SBF2: variants seen among roughly 807,000 people sequenced by gnomAD.
The protein encoded by SBF2 is myotubularin-related protein 13.
A neutral mutation model predicts 225.2 loss-of-function variants in SBF2; 112 were observed. The ratio of observed to expected loss-of-function variants is 0.50; its 90% CI spans 0.43 to 0.58. SBF2 has a LOEUF of 0.58. SBF2 is among the 20% of genes least tolerant of loss of function. The pLI is 0.00. For missense variants in SBF2, 1,996 were observed against 2,206.2 expected (o/e 0.90, Z 1.91); for synonymous variants, 763 against 773.3 (o/e 0.99, Z 0.22).
At chr11:9,924,189 A>G (rs575641098) in intron 16 of SBF2, among the ~76,000 whole-genome samples, 200 of 152,312 alleles carry the variant, frequency 1.3e-3, no homozygotes, top group Non-Finnish European at 2.4e-3. Flanking sequence ...AGATGATGTG[A>G]AAGTGATATG....
intron 2 of SBF2, among the ~76,000 whole-genome samples, chr11:10,190,992 A>G (rs139735968): frequency 3.7e-4 from 57 of 152,294 alleles, no homozygotes; most frequent in African/African-American, 1.3e-3. Flanking sequence ...AGATCTCAGT[A>G]AAGTTATTTA....
At chr11:10,148,062 TA>T (rs2135160817) in intron 2 of SBF2, among the ~76,000 whole-genome samples, 1 of 152,352 alleles carries the variant, frequency 6.6e-6, no homozygotes, top group Non-Finnish European at 1.5e-5. Flanking sequence ...TGTTATTTTC[TA>T]AAAGTTATCA....
At chr11:10,172,873 G>A (rs546084775) in intron 2 of SBF2, among the ~76,000 whole-genome samples, 2 of 152,160 alleles carry the variant, frequency 1.3e-5, no homozygotes, top group South Asian at 2.1e-4. Flanking sequence ...TTGCCATGCT[G>A]GCCAGGCTGG....
At chr11:10,061,874 T>C (rs924690695) in intron 2 of SBF2, among the ~76,000 whole-genome samples, 1 of 152,144 alleles carries the variant, frequency 6.6e-6, no homozygotes, top group African/African-American at 2.4e-5. Context: ...AAAAAGAGTC[T>C]GTATAGCCAA....
rs1410051966 is a variant in SBF2, at chr11:10,303,997, C to G, written n.386+495G>C. Among the ~76,000 whole-genome samples the G allele has an allele frequency of 6.6e-6, 1 of 152,208 alleles. No homozygotes were observed. The highest frequency in any genetic ancestry group is 1.5e-5 in the Non-Finnish European group (1 of 68,038). ...CAGCCTAGAGGAATCCACGCCGCGCCCCAGTCGGCCGTGCTAGCGTGTCGG... is the reference window on the plus strand; with the variant it reads ...CAGCCTAGAGGAATCCACGCCGCGCGCCAGTCGGCCGTGCTAGCGTGTCGG... On this transcript the variant is annotated intron_variant and non_coding_transcript_variant, in intron 1 of 5. Coordinates refer to the SBF2 transcript ENST00000685217. This position sits in a 1 kb window ranked among gnomAD's most constrained non-coding sequence, Gnocchi z 5.2.
chr11:10,137,385 A>G (rs1379289125), intron 2 of SBF2, among the ~76,000 whole-genome samples: 1 of 152,078 alleles, frequency 6.6e-6, no homozygotes, highest in Admixed American at 6.6e-5. Context: ...CATGTCCTTT[A>G]TTTCCTTGTT....
intron 2 of SBF2, among the ~76,000 whole-genome samples, chr11:10,063,397 G>A (rs779195958): frequency 3.4e-5 from 5 of 146,382 alleles, no homozygotes; most frequent in African/African-American, 1.0e-4. Flanking sequence ...TTGCTCTGTC[G>A]CCCAGGCTGG....
At chr11:9,959,195 G>A (rs1156981154) in intron 16 of SBF2, 2 of 790,984 alleles carry the variant, frequency 2.5e-6, no homozygotes, top group Non-Finnish European at 4.6e-6. Context: ...GGTCCGATTT[G>A]GAATTTCCAC....
chr11:9,929,077 G>A, intron 16 of SBF2: 2 of 380,362 alleles, frequency 5.3e-6, no homozygotes, highest in Admixed American at 3.1e-5. Context: ...GATGAGGAGT[G>A]TAGTGACCAG....
At chr11:10,232,899 T>C (rs1401731134) in intron 1 of SBF2, among the ~76,000 whole-genome samples, 1 of 152,230 alleles carries the variant, frequency 6.6e-6, no homozygotes, top group Non-Finnish European at 1.5e-5. Flanking sequence ...ACTTTGTACT[T>C]AGAATTAGAA....
chr11:10,280,838 G>C (rs973327881), intron 1 of SBF2, among the ~76,000 whole-genome samples: 2 of 152,054 alleles, frequency 1.3e-5, no homozygotes, highest in African/African-American at 4.8e-5. Context: ...CTGGGGATTG[G>C]GGGTGGGGGA....
chr11:9,812,801 T>C, intron 29 of SBF2, 93 bp from the exon 30 acceptor site: 9 of 1,324,874 alleles, frequency 6.8e-6, no homozygotes, highest in Admixed American at 1.8e-5. Context: ...ACAAAGTTAT[T>C]TGGGGCCAAA....
chr11:10,077,723 C>A (rs534022479), intron 2 of SBF2, among the ~76,000 whole-genome samples: 3 of 152,194 alleles, frequency 2.0e-5, no homozygotes, highest in South Asian at 4.1e-4. Flanking sequence ...AGCACATAGG[C>A]ATGGGCAAAG....
intron 2 of SBF2, among the ~76,000 whole-genome samples, chr11:10,181,738 A>G (rs2135288354): frequency 6.6e-6 from 1 of 152,260 alleles, no homozygotes; most frequent in East Asian, 1.9e-4. Context: ...TCTCCCAATT[A>G]AGAGATATGA....
At chr11:9,973,546 G>T (rs1487654404) in intron 13 of SBF2, among the ~76,000 whole-genome samples, 1 of 152,154 alleles carries the variant, frequency 6.6e-6, no homozygotes, top group East Asian at 1.9e-4. Context: ...TGATTTTCAA[G>T]GAATGGTCTC....
intron 16 of SBF2, among the ~76,000 whole-genome samples, chr11:9,935,690 A>G (rs534198379): frequency 6.6e-6 from 1 of 152,366 alleles, no homozygotes; most frequent in East Asian, 1.9e-4. Context: ...AAACCTGACA[A>G]AAACAACAGA....
Position 10,031,026 on chromosome 11 carries a change from ATGATAACTATG to A in SBF2, c.402+11_402+21del, listed in dbSNP as rs1296525355. The A allele has an allele frequency of 1.3e-5, 21 of 1,592,986 alleles. No homozygotes were observed. The highest frequency in any genetic ancestry group is 1.8e-5 in the Non-Finnish European group (21 of 1,161,816). ...ACTCACACAATAATACAAATTAATAATGATAACTATGTGTTCTTTACCCTAAAAATTTCTGG... is the reference window on the plus strand; with the variant it reads ...ACTCACACAATAATACAAATTAATAATGTTCTTTACCCTAAAAATTTCTGG... On this transcript the variant is annotated intron_variant, in intron 4 of 39. Transcript: ENST00000256190.
chr11:9,866,281 GA>G (rs532655828), intron 17 of SBF2, among the ~76,000 whole-genome samples: 3 of 146,954 alleles, frequency 2.0e-5, no homozygotes, highest in Non-Finnish European at 3.0e-5. Context: ...CAATCCTGAG[GA>G]AAAAAAAACA....
At chr11:9,920,180 A>ATGTG (rs1863492639) in intron 16 of SBF2, among the ~76,000 whole-genome samples, 1 of 122,628 alleles carries the variant, frequency 8.2e-6, no homozygotes, top group Non-Finnish European at 1.9e-5. Context: ...TGCAAATACT[A>ATGTG]TATGTGTGTG....
Sources: allele counts gnomAD v4.1 joint callset (sites outside exome capture counted in the v4.1 genomes callset), GRCh38; gene constraint gnomAD v4.1.1; non-coding constraint Gnocchi (gnomAD v3.1); transcripts MANE v1.5; gene names NCBI Gene and HGNC (gene_info 2026-07-23, HGNC 2026-07-21).